Variants in ANKRD10 observed in about 807,000 individuals in gnomAD.
The protein encoded by ANKRD10 is ankyrin repeat domain 10, also known as ankyrin repeat domain-containing protein 10.
A neutral mutation model predicts 27.0 loss-of-function variants in ANKRD10; 14 were observed. That is an observed-to-expected ratio of 0.52 (90% CI 0.34 to 0.81). ANKRD10 has a LOEUF of 0.81. Ranked by LOEUF, ANKRD10 falls within the 40% of genes least tolerant of loss-of-function variation. ANKRD10 has a pLI of 0.01. For missense variants in ANKRD10, 493 were observed against 544.0 expected (o/e 0.91, Z 0.93); for synonymous variants, 250 against 224.5 (o/e 1.11, Z -1.01).
chr13:110,888,045 G>C (rs1192609042), intron 4 of ANKRD10, among the ~76,000 whole-genome samples: 1 of 152,150 alleles, frequency 6.6e-6, no homozygotes. Context: ...TTTCTATTAT[G>C]AGGTGACCTT....
intron 3 of ANKRD10, among the ~76,000 whole-genome samples, chr13:110,900,915 A>C (rs901212344): frequency 2.0e-5 from 3 of 152,192 alleles, no homozygotes; most frequent in Non-Finnish European, 4.4e-5. Context: ...GCTCTAAAAC[A>C]CTGCCTTTTA....
At chr13:110,894,435 T>C (rs1227420947) in intron 3 of ANKRD10, 1 of 244,086 alleles carries the variant, frequency 4.1e-6, no homozygotes, top group Non-Finnish European at 7.6e-6. Context: ...AAACCCCGCA[T>C]TTGAGAGTGA....
At position 110,891,627 on chromosome 13, in the gene ANKRD10, G is replaced by C. The variant is rs143782235; in HGVS notation, c.691+1401C>G. On this transcript the variant is annotated intron_variant, in intron 4 of 5. Transcript: ENST00000267339. ...CACACTCATTAAATAAGGTAGAAAA[G>C]ATGATGTTGGTTCATGAAATTTAAC... Among the ~76,000 whole-genome samples the C allele has an allele frequency of 3.3e-3, 496 of 152,090 alleles. 3 individuals are homozygous for C. Among genetic ancestry groups the C allele is most frequent in the Middle Eastern group, 3.4e-3 (1 of 294 alleles).
At chr13:110,914,280 G>A (rs1404924167) in intron 1 of ANKRD10, among the ~76,000 whole-genome samples, 5 of 152,138 alleles carry the variant, frequency 3.3e-5, no homozygotes, top group African/African-American at 4.8e-5. Flanking sequence ...ACCCCAGCTC[G>A]GCTCCCCGGA....
chr13:110,913,250 A>T (rs754549448), intron 1 of ANKRD10, among the ~76,000 whole-genome samples: 1 of 152,238 alleles, frequency 6.6e-6, no homozygotes, highest in African/African-American at 2.4e-5. Flanking sequence ...ACAGAATCCT[A>T]AAGTTTAGTG....
intron 3 of ANKRD10, chr13:110,905,140 A>G (rs1272533352): frequency 6.6e-6 from 1 of 152,206 alleles, no homozygotes; most frequent in African/African-American, 2.4e-5. Flanking sequence ...GTAAAACAAA[A>G]AAGCTGATAT....
intron 4 of ANKRD10, among the ~76,000 whole-genome samples, chr13:110,890,960 T>C (rs2065057958): frequency 6.6e-6 from 1 of 152,250 alleles, no homozygotes; most frequent in African/African-American, 2.4e-5. Flanking sequence ...TCCTCAGAAA[T>C]GCTTTTCAGG....
chr13:110,900,249 G>A (rs1019674118), intron 3 of ANKRD10, among the ~76,000 whole-genome samples: 2 of 152,092 alleles, frequency 1.3e-5, no homozygotes, highest in East Asian at 3.8e-4. Context: ...TTTCAATTTT[G>A]AAAAACCACG....
Position 110,906,151 on chromosome 13 carries a change from A to G in ANKRD10, c.364-27T>C, listed in dbSNP as rs745779175. The G allele has an allele frequency of 3.3e-6, 5 of 1,536,116 alleles. No homozygotes were observed. The Admixed American group carries it at 7.4e-5, about 23-fold the overall frequency. On this transcript the variant is annotated intron_variant, in intron 2 of 5. Coordinates refer to ENST00000267339, the MANE Select transcript of ANKRD10 (RefSeq NM_017664.4). ...TGAAACAACAAAAAGCAAAATATACACATACTTAGAACAAAACTTCTGACA... is the reference window on the plus strand; with the variant it reads ...TGAAACAACAAAAAGCAAAATATACGCATACTTAGAACAAAACTTCTGACA...
At chr13:110,896,395 A>C (rs1468426856) in intron 3 of ANKRD10, among the ~76,000 whole-genome samples, 1 of 152,250 alleles carries the variant, frequency 6.6e-6, no homozygotes, top group Non-Finnish European at 1.5e-5. Context: ...TTCTACTCAG[A>C]GGAAATCTGT....
At chr13:110,909,162 G>A (rs1302273481) in intron 2 of ANKRD10, among the ~76,000 whole-genome samples, 5 of 152,180 alleles carry the variant, frequency 3.3e-5, no homozygotes, top group East Asian at 1.9e-4. Flanking sequence ...AATTTCTCTA[G>A]TCCTCTCTAA....
chr13:110,900,489 A>G, intron 3 of ANKRD10: 2 of 1,194,124 alleles, frequency 1.7e-6, no homozygotes, highest in Non-Finnish European at 2.1e-6. Context: ...CTCTATCTGA[A>G]TTCCTAGATT....
At chr13:110,903,396 G>A (rs1202724616) in intron 3 of ANKRD10, 2 of 154,042 alleles carry the variant, frequency 1.3e-5, no homozygotes, top group African/African-American at 4.8e-5. Flanking sequence ...CAGAAACAGA[G>A]CCTCACACAC....
At chr13:110,914,490 GA>G (rs1228949020) in intron 1 of ANKRD10, 4 of 404,750 alleles carry the variant, frequency 9.9e-6, no homozygotes, top group Non-Finnish European at 1.6e-5. Context: ...GGCCCCTCCG[GA>G]CGCAGGCGCC....
At chr13:110,904,763 A>G (rs1369567664) in intron 3 of ANKRD10, among the ~76,000 whole-genome samples, 2 of 152,272 alleles carry the variant, frequency 1.3e-5, no homozygotes, top group Non-Finnish European at 2.9e-5. Context: ...ACAACTATAC[A>G]TGAAGTCGCG....
At chr13:110,889,850 A>AGGAAAACAGAAC (rs1457134355) in intron 4 of ANKRD10, among the ~76,000 whole-genome samples, 3 of 152,220 alleles carry the variant, frequency 2.0e-5, no homozygotes, top group Non-Finnish European at 4.4e-5. Flanking sequence ...CTTAAATTCT[A>AGGAAAACAGAAC]GGAAAACAGA....
chr13:110,898,497 T>C (rs1340372220), intron 3 of ANKRD10, among the ~76,000 whole-genome samples: 2 of 152,246 alleles, frequency 1.3e-5, no homozygotes, highest in Non-Finnish European at 2.9e-5. Flanking sequence ...CACTCAACTC[T>C]AGTACTTACA....
intron 3 of ANKRD10, among the ~76,000 whole-genome samples, chr13:110,901,462 G>A (rs2065377766): frequency 6.6e-6 from 1 of 152,198 alleles, no homozygotes; most frequent in Non-Finnish European, 1.5e-5. Context: ...CTATAATTTA[G>A]CAAGGGAGAA....
chr13:110,898,832 C>G (rs188721731), intron 3 of ANKRD10, among the ~76,000 whole-genome samples: 1 of 150,798 alleles, frequency 6.6e-6, no homozygotes, highest in Non-Finnish European at 1.5e-5. Flanking sequence ...CTCGGCTCAC[C>G]GCAACCTCTG....
Sources: allele counts gnomAD v4.1 joint callset (sites outside exome capture counted in the v4.1 genomes callset), GRCh38; gene constraint gnomAD v4.1.1; transcripts MANE v1.5; gene names NCBI Gene and HGNC (gene_info 2026-07-23, HGNC 2026-07-21).